PAK1: variants seen among roughly 807,000 people sequenced by gnomAD.
The protein encoded by PAK1 is p21 (RAC1) activated kinase 1.
In PAK1, 29 loss-of-function variants were observed where a neutral mutation model predicts 67.4. That is an observed-to-expected ratio of 0.43 (90% CI 0.32 to 0.59). The LOEUF is 0.59. PAK1 is among the 20% of genes least tolerant of loss of function. PAK1 has a pLI of 0.07. For missense variants in PAK1, 337 were observed against 670.7 expected, an observed-to-expected ratio of 0.50 and a Z score of 5.50; for synonymous variants, 223 against 237.4, an observed-to-expected ratio of 0.94 and a Z score of 0.56.
At chr11:77,449,950 T>G (rs1488118465) in intron 1 of PAK1, among the ~76,000 whole-genome samples, 1 of 152,154 alleles carries the variant, frequency 6.6e-6, no homozygotes, top group Non-Finnish European at 1.5e-5. Flanking sequence ...CAATCAATGA[T>G]TATCTTTTAG....
At chr11:77,481,496 G>A in the PAK1 span, among the ~76,000 whole-genome samples, 5 of 151,956 alleles carry the variant, frequency 3.3e-5, no homozygotes, top group Non-Finnish European at 7.4e-5. Flanking sequence ...CCAACAAGGT[G>A]AAACCCCATC....
At chr11:77,510,910 T>C in the PAK1 span, among the ~76,000 whole-genome samples, 1 of 152,206 alleles carries the variant, frequency 6.6e-6, no homozygotes, top group African/African-American at 2.4e-5. Context: ...CCTCCAGCAT[T>C]GTTTCTTTCT....
rs374127665 is a variant in PAK1 at position 77,332,028 on chromosome 11, C to T, written c.1551+702G>A. On this transcript the variant is annotated intron_variant, in intron 14 of 14. Coordinates refer to ENST00000356341, the MANE Select transcript of PAK1 (RefSeq NM_002576.5). The stretch of plus-strand genomic sequence containing the variant: ...TAATGAAAGATACAAGCAGGCTGGT[C>T]ATGGTGGCCCATGCCTGTAGTCCCA... Among the ~76,000 whole-genome samples, 80 of 151,998 alleles carry T rather than the reference C, an allele frequency of 5.3e-4. 2 individuals are homozygous for T. The South Asian group carries it at 0.013, about 25-fold the overall frequency.
At chr11:77,381,698 T>C (rs954368529) in intron 2 of PAK1, among the ~76,000 whole-genome samples, 2 of 152,226 alleles carry the variant, frequency 1.3e-5, no homozygotes, top group Non-Finnish European at 2.9e-5. Context: ...TCCTATGAGA[T>C]AAATACTACT....
chr11:77,482,589 C>CTTTTT, the PAK1 span, among the ~76,000 whole-genome samples: 1 of 137,628 alleles, frequency 7.3e-6, no homozygotes, highest in African/African-American at 2.8e-5. Flanking sequence ...TTCCCTCACT[C>CTTTTT]TTTTTTTCTT....
At chr11:77,436,272 AAAGAACAGCTGTTT>A (rs1313017980) in intron 1 of PAK1, among the ~76,000 whole-genome samples, 1 of 152,214 alleles carries the variant, frequency 6.6e-6, no homozygotes, top group Admixed American at 6.5e-5. Context: ...GGGAAGGAGA[AAAGAACAGCTGTTT>A]AATACTTTTG....
chr11:77,489,795 G>C, the PAK1 span, among the ~76,000 whole-genome samples: 6 of 151,952 alleles, frequency 3.9e-5, no homozygotes, highest in Admixed American at 2.6e-4. Flanking sequence ...ATCTCGGCTC[G>C]CTACAACCTC....
At chr11:77,488,572 G>A in the PAK1 span, among the ~76,000 whole-genome samples, 7,474 of 152,028 alleles carry the variant, frequency 0.049, 616 homozygotes, top group African/African-American at 0.17. Flanking sequence ...TTCAGAATCC[G>A]ATCCAATAAA....
At chr11:77,358,830 C>A in intron 6 of PAK1, 68 bp downstream of exon 6, 1 of 1,533,084 alleles carries the variant, frequency 6.5e-7, no homozygotes, top group Non-Finnish European at 9.0e-7. Flanking sequence ...TAGGTATCAG[C>A]ACCAACTCCT....
chr11:77,399,328 C>T (rs1427893929), intron 1 of PAK1, among the ~76,000 whole-genome samples: 2 of 152,034 alleles, frequency 1.3e-5, no homozygotes. Flanking sequence ...TCCAAACACA[C>T]ATGAAAGAAA....
chr11:77,405,289 G>T (rs1016364950), intron 1 of PAK1, among the ~76,000 whole-genome samples: 3 of 152,146 alleles, frequency 2.0e-5, no homozygotes, highest in Non-Finnish European at 4.4e-5. Context: ...AATAAATTTG[G>T]CTTTTCAGCA....
chr11:77,460,948 C>A (rs1018799608), intron 1 of PAK1, among the ~76,000 whole-genome samples: 8 of 152,084 alleles, frequency 5.3e-5, no homozygotes, highest in African/African-American at 1.9e-4. Context: ...GAAAAGCATG[C>A]AATTATTTCC....
chr11:77,392,230 T>G (rs1214212002), intron 2 of PAK1, 101 bp downstream of exon 2: 2 of 855,696 alleles, frequency 2.3e-6, no homozygotes, highest in African/African-American at 1.7e-5. Context: ...AAGAAAACAT[T>G]AAAGGAAAAT....
intron 5 of PAK1, among the ~76,000 whole-genome samples, chr11:77,371,421 TG>T (rs1304808747): frequency 6.6e-6 from 1 of 152,158 alleles, no homozygotes; most frequent in Admixed American, 6.5e-5. Flanking sequence ...ATTAAGACAG[TG>T]CACGTTCATT....
intron 5 of PAK1, among the ~76,000 whole-genome samples, chr11:77,368,911 G>A (rs1001211284): frequency 6.6e-6 from 1 of 152,164 alleles, no homozygotes; most frequent in African/African-American, 2.4e-5. Flanking sequence ...AACCCCAGAG[G>A]TAATTGATGT....
chr11:77,512,404 T>C, the PAK1 span, among the ~76,000 whole-genome samples: 1 of 152,172 alleles, frequency 6.6e-6, no homozygotes, highest in African/African-American at 2.4e-5. Flanking sequence ...ACCTGCAAAT[T>C]TGCAGACCAA....
chr11:77,468,567 G>C (rs940394005), intron 1 of PAK1, among the ~76,000 whole-genome samples: 1 of 152,198 alleles, frequency 6.6e-6, no homozygotes, highest in Non-Finnish European at 1.5e-5. Flanking sequence ...GATAAAGCCT[G>C]ATCTGGCAGC....
chr11:77,402,188 G>A (rs982945039), intron 1 of PAK1, among the ~76,000 whole-genome samples: 3 of 152,082 alleles, frequency 2.0e-5, no homozygotes, highest in African/African-American at 4.8e-5. Context: ...CACTAATTAC[G>A]TAATTTGAGA....
intron 1 of PAK1, among the ~76,000 whole-genome samples, chr11:77,426,829 A>G (rs1333365002): frequency 1.3e-5 from 2 of 148,218 alleles, no homozygotes; most frequent in Non-Finnish European, 3.0e-5. Flanking sequence ...AAAAGCAAAA[A>G]TGAGCAATCT....
Sources: allele counts gnomAD v4.1 joint callset (sites outside exome capture counted in the v4.1 genomes callset), GRCh38; gene constraint gnomAD v4.1.1; transcripts MANE v1.5; gene names NCBI Gene and HGNC (gene_info 2026-07-23, HGNC 2026-07-21).